DLG2: variants seen among roughly 807,000 people sequenced by gnomAD.
DLG2 encodes discs large MAGUK scaffold protein 2.
A neutral mutation model predicts 132.5 loss-of-function variants in DLG2; 45 were observed. The ratio of observed to expected loss-of-function variants is 0.34; its 90% confidence interval spans 0.27 to 0.44. The LOEUF (loss-of-function observed/expected upper bound fraction) is 0.44. DLG2 is among the 20% of genes least tolerant of loss of function. The probability of loss-of-function intolerance (pLI) is 1.00; values close to 1 mark genes in which losing one functional copy is unlikely to be tolerated. For synonymous variants in DLG2, 424 were observed against 419.6 expected (o/e 1.01, Z -0.13); for missense variants, 1,045 against 1,196.9 (o/e 0.87, Z 1.87).
At chr11:84,966,763 G>A (rs2053409169) in intron 6 of DLG2, among the ~76,000 whole-genome samples, 1 of 152,048 alleles carries the variant, frequency 6.6e-6, no homozygotes, top group Non-Finnish European at 1.5e-5. Context: ...ATCAGAAATT[G>A]GAAAGAACAT....
intron 21 of DLG2, among the ~76,000 whole-genome samples, chr11:83,505,415 T>C (rs896777080): frequency 2.0e-5 from 3 of 152,204 alleles, no homozygotes; most frequent in African/African-American, 7.2e-5. Context: ...CATTGGGCGA[T>C]GACAGGGGTG....
intron 7 of DLG2, among the ~76,000 whole-genome samples, chr11:84,297,013 G>A: frequency 6.6e-6 from 1 of 151,816 alleles, no homozygotes; most frequent in Admixed American, 6.6e-5. Context: ...ACAGCCTGTG[G>A]TCAGTATCTG....
At chr11:83,924,903 A>G (rs181190389) in intron 15 of DLG2, among the ~76,000 whole-genome samples, 27 of 152,236 alleles carry the variant, frequency 1.8e-4, no homozygotes, top group African/African-American at 6.0e-4. Context: ...CATTTTTCAT[A>G]GATAATGCTT....
chr11:83,717,977 G>C (rs930233558), intron 18 of DLG2, among the ~76,000 whole-genome samples: 1 of 152,176 alleles, frequency 6.6e-6, no homozygotes, highest in Admixed American at 6.5e-5. Context: ...AACAATCCCT[G>C]TTCTGGTCTA....
rs548626772 is a variant in DLG2, at chr11:85,308,310, T to C, written c.41-22945A>G. On this transcript the variant is annotated intron_variant, in intron 3 of 27. Coordinates refer to ENST00000376104, the MANE Select transcript of DLG2 (RefSeq NM_001142699.3). ...AAAACTGACCCACAAAATATGCTAG[T>C]TATCCTATTTACCCCTTACCATCCA... Among the ~76,000 whole-genome samples, 54 of 151,728 alleles carry C rather than the reference T, an allele frequency of 3.6e-4. 2 individuals carry two copies. The highest frequency in any genetic ancestry group is 2.5e-3 in the South Asian group (12 of 4,806).
At chr11:85,521,522 T>C (rs2074309798) in intron 3 of DLG2, among the ~76,000 whole-genome samples, 1 of 152,138 alleles carries the variant, frequency 6.6e-6, no homozygotes, top group South Asian at 2.1e-4. Flanking sequence ...GGGGTACTGC[T>C]ATAAAGATAT....
At chr11:85,004,134 G>A (rs1000481074) in intron 6 of DLG2, among the ~76,000 whole-genome samples, 3 of 152,180 alleles carry the variant, frequency 2.0e-5, no homozygotes, top group African/African-American at 7.2e-5. Flanking sequence ...TGGGCATTTG[G>A]GTTGGTTCCA....
intron 6 of DLG2, among the ~76,000 whole-genome samples, chr11:84,896,270 C>A (rs1237826163): frequency 6.6e-6 from 1 of 152,040 alleles, no homozygotes; most frequent in Non-Finnish European, 1.5e-5. Flanking sequence ...AGCAGAGGGT[C>A]CACTAATATT....
chr11:83,804,126 G>T (rs531197012), intron 17 of DLG2, among the ~76,000 whole-genome samples: 1 of 152,048 alleles, frequency 6.6e-6, no homozygotes, highest in African/African-American at 2.4e-5. Flanking sequence ...GGCAAACTGT[G>T]TCAAGAACTC....
chr11:84,383,326 G>T (rs916519309), intron 7 of DLG2, among the ~76,000 whole-genome samples: 1 of 151,476 alleles, frequency 6.6e-6, no homozygotes, highest in African/African-American at 2.4e-5. Flanking sequence ...CTAAGATGAC[G>T]CCTAATATTT....
intron 6 of DLG2, among the ~76,000 whole-genome samples, chr11:84,930,199 T>G (rs942009057): frequency 6.6e-6 from 1 of 152,174 alleles, no homozygotes; most frequent in African/African-American, 2.4e-5. Context: ...TTTTTCTGAA[T>G]GCCTTCAACA....
At chr11:83,483,298 C>A (rs2093275163) in intron 22 of DLG2, 2 of 1,612,440 alleles carry the variant, frequency 1.2e-6, no homozygotes, top group African/African-American at 1.3e-5. Flanking sequence ...CCGGGGATGT[C>A]CTGCATGGAA....
At chr11:84,203,530 C>G (rs1597352541) in intron 8 of DLG2, among the ~76,000 whole-genome samples, 1 of 129,790 alleles carries the variant, frequency 7.7e-6, no homozygotes, top group African/African-American at 2.9e-5. Context: ...TGCAGTGAGC[C>G]GAGATTGAGC....
intron 6 of DLG2, among the ~76,000 whole-genome samples, chr11:84,745,495 C>T (rs1019067501): frequency 6.6e-6 from 1 of 152,180 alleles, no homozygotes; most frequent in Non-Finnish European, 1.5e-5. Flanking sequence ...ACTTCCTGTA[C>T]AGCCTGCAGA....
chr11:85,197,430 C>T (rs1380877109), intron 4 of DLG2, among the ~76,000 whole-genome samples: 1 of 152,106 alleles, frequency 6.6e-6, no homozygotes, highest in Non-Finnish European at 1.5e-5. Flanking sequence ...TGACCATGGG[C>T]TTCTAGACTC....
At chr11:84,879,872 G>A (rs1161378430) in intron 6 of DLG2, among the ~76,000 whole-genome samples, 2 of 152,020 alleles carry the variant, frequency 1.3e-5, no homozygotes, top group South Asian at 2.1e-4. Flanking sequence ...CTTTTTTGTG[G>A]CAGTGAATTC....
intron 8 of DLG2, among the ~76,000 whole-genome samples, chr11:84,216,279 T>G (rs1310027830): frequency 6.6e-6 from 1 of 152,144 alleles, no homozygotes; most frequent in African/African-American, 2.4e-5. Context: ...GTAATTACAG[T>G]GAATCCCCCC....
chr11:83,740,970 C>T (rs2092457798), intron 18 of DLG2, among the ~76,000 whole-genome samples: 1 of 152,120 alleles, frequency 6.6e-6, no homozygotes, highest in Non-Finnish European at 1.5e-5. Context: ...ATCAAGTAGG[C>T]ATTTTCCTGC....
At chr11:84,799,687 A>G (rs1646431289) in intron 6 of DLG2, among the ~76,000 whole-genome samples, 1 of 151,496 alleles carries the variant, frequency 6.6e-6, no homozygotes, top group Admixed American at 6.6e-5. Flanking sequence ...CTTCTTCATA[A>G]TTTTTTTTTA....
Sources: gnomAD v4.1 joint callset for allele counts (sites outside exome capture counted in the v4.1 genomes callset) on GRCh38, gnomAD v4.1.1 for gene constraint, MANE v1.5 for transcripts, NCBI Gene and HGNC (gene_info 2026-07-23, HGNC 2026-07-21) for gene names.